MAD1L1: variants seen among roughly 807,000 people sequenced by gnomAD.
MAD1L1 encodes the protein mitotic arrest deficient 1 like 1.
In MAD1L1, 95 loss-of-function variants were observed where a neutral mutation model predicts 96.9. The ratio of observed to expected loss-of-function variants is 0.98; its 90% confidence interval spans 0.83 to 1.16. The LOEUF is 1.16. Among genes scored for constraint, MAD1L1 ranks in the 50% most tolerant of loss-of-function variants. The probability of loss-of-function intolerance (pLI) is 0.00; values close to 1 mark genes in which losing one functional copy is unlikely to be tolerated. For missense variants in MAD1L1, 1,007 were observed against 954.4 expected, an observed-to-expected ratio of 1.06 and a Z score of -0.73; for synonymous variants, 473 against 396.6, an observed-to-expected ratio of 1.19 and a Z score of -2.29.
chr7:2,090,224 C>CAGG (rs35596463), intron 11 of MAD1L1, among the ~76,000 whole-genome samples: 15,394 of 152,170 alleles, frequency 0.1, 1,135 homozygotes, highest in African/African-American at 0.2. Context: ...AAGGGTAGGC[C>CAGG]AGAAGACAAA....
intron 12 of MAD1L1, among the ~76,000 whole-genome samples, chr7:2,052,259 G>T (rs1052759426): frequency 2.6e-5 from 4 of 152,224 alleles, no homozygotes; most frequent in Non-Finnish European, 5.9e-5. Context: ...TATGCCAACA[G>T]GCTTCCCTGG....
chr7:1,895,908 T>C (rs1786837106), intron 18 of MAD1L1, among the ~76,000 whole-genome samples: 1 of 152,184 alleles, frequency 6.6e-6, no homozygotes, highest in East Asian at 1.9e-4. Flanking sequence ...GGCTGGAGGA[T>C]GGGCAGTGAG....
chr7:2,125,906 C>G (rs944597571), intron 11 of MAD1L1, among the ~76,000 whole-genome samples: 2 of 152,288 alleles, frequency 1.3e-5, no homozygotes, highest in Non-Finnish European at 2.9e-5. Flanking sequence ...TGAGCCAGCA[C>G]TGGCATCTGA....
chr7:2,226,393 G>T, intron 3 of MAD1L1, among the ~76,000 whole-genome samples: 1 of 151,802 alleles, frequency 6.6e-6, no homozygotes, highest in Admixed American at 6.6e-5. Flanking sequence ...GAGCCTCTGG[G>T]GGCCCTCTCA....
At chr7:2,224,923 C>G (rs1793804308) in intron 4 of MAD1L1, among the ~76,000 whole-genome samples, 1 of 152,184 alleles carries the variant, frequency 6.6e-6, no homozygotes, top group South Asian at 2.1e-4. Context: ...TGATCCACCC[C>G]ATGACCTCCT....
At chr7:2,108,922 A>C (rs1046588929) in intron 11 of MAD1L1, among the ~76,000 whole-genome samples, 2 of 152,252 alleles carry the variant, frequency 1.3e-5, no homozygotes, top group Non-Finnish European at 2.9e-5. Context: ...CTCCTGGGGA[A>C]GTGCAGGGCC....
chr7:1,940,592 C>T (rs1222896143), intron 16 of MAD1L1: 1 of 152,222 alleles, frequency 6.6e-6, no homozygotes, highest in Non-Finnish European at 1.5e-5. Flanking sequence ...GGGCCGCCTC[C>T]TGCGGAGAGC....
chr7:1,944,982 C>T (rs1159014604), intron 16 of MAD1L1, among the ~76,000 whole-genome samples: 4 of 152,190 alleles, frequency 2.6e-5, no homozygotes, highest in Non-Finnish European at 5.9e-5. Flanking sequence ...CCAAGGGAGC[C>T]GGAAGCAGAG....
chr7:2,075,457 AG>A (rs1472290289), intron 11 of MAD1L1, among the ~76,000 whole-genome samples: 1 of 152,196 alleles, frequency 6.6e-6, no homozygotes, highest in Non-Finnish European at 1.5e-5. Flanking sequence ...TCTGAGGTAC[AG>A]AAGAGAAAAC....
At chr7:2,216,429 G>T (rs1243958454) in intron 7 of MAD1L1, 142 bp from the exon 8 acceptor site, 2 of 811,114 alleles carry the variant, frequency 2.5e-6, no homozygotes, top group African/African-American at 1.7e-5. Flanking sequence ...GACGTTCTGG[G>T]AAAGGAAGGG....
intron 7 of MAD1L1, among the ~76,000 whole-genome samples, chr7:2,216,637 C>T (rs990149507): frequency 1.3e-5 from 2 of 152,172 alleles, no homozygotes; most frequent in African/African-American, 4.8e-5. Flanking sequence ...TGTGTCCAGG[C>T]AGGTTCATCA....
At chr7:1,854,564 T>C (rs1272797380) in intron 18 of MAD1L1, among the ~76,000 whole-genome samples, 1 of 151,876 alleles carries the variant, frequency 6.6e-6, no homozygotes, top group African/African-American at 2.4e-5. Flanking sequence ...AGGATGTTAA[T>C]CCCATTCACG....
chr7:2,164,064 TA>T (rs1331716440), intron 10 of MAD1L1, among the ~76,000 whole-genome samples: 5 of 152,156 alleles, frequency 3.3e-5, no homozygotes, highest in Non-Finnish European at 7.3e-5. Context: ...TGGGAACAGT[TA>T]CAGTCCAGCA....
At chr7:2,006,160 A>C (rs1484717346) in intron 13 of MAD1L1, among the ~76,000 whole-genome samples, 1 of 152,122 alleles carries the variant, frequency 6.6e-6, no homozygotes, top group African/African-American at 2.4e-5. Flanking sequence ...TGCTCCTAAG[A>C]ACAGAGCCAT....
At chr7:2,191,189 C>T (rs1418061372) in intron 10 of MAD1L1, among the ~76,000 whole-genome samples, 6 of 152,286 alleles carry the variant, frequency 3.9e-5, no homozygotes, top group East Asian at 3.9e-4. Context: ...CGTATGATTC[C>T]ATTCCCACAT....
At chr7:1,874,484 T>A (rs1049929618) in intron 18 of MAD1L1, 2 of 453,944 alleles carry the variant, frequency 4.4e-6, no homozygotes, top group Admixed American at 4.7e-5. Flanking sequence ...GGCGGAGGGC[T>A]GACCTTTTGA....
chr7:2,219,318 C>T lies in MAD1L1; in HGVS notation c.596+14G>A. The T allele has an allele frequency of 6.4e-7, 1 of 1,552,616 alleles. No individual in the cohort carries two copies. The highest frequency in any genetic ancestry group is 8.7e-7 in the Non-Finnish European group (1 of 1,149,974). ...GTGACCCGACCCCCGACCCCACACC[C>T]TGGCCCCGCCCACTTGTGTTGCAGG... On this transcript the variant is annotated intron_variant, in intron 6 of 18. Transcript: ENST00000265854.
At chr7:1,845,578 T>G (rs1173559920) in intron 18 of MAD1L1, 2 of 115,782 alleles carry the variant, frequency 1.7e-5, no homozygotes, top group African/African-American at 3.4e-5. Context: ...GAGCGCTGTT[T>G]AGGAGACGGA....
intron 18 of MAD1L1, among the ~76,000 whole-genome samples, chr7:1,820,523 T>C (rs956675330): frequency 2.0e-5 from 3 of 152,096 alleles, no homozygotes; most frequent in African/African-American, 7.2e-5. Context: ...TCTTTGCACT[T>C]TGGGAGGCCA....
Sources: gnomAD v4.1 joint callset for allele counts (sites outside exome capture counted in the v4.1 genomes callset) on GRCh38, gnomAD v4.1.1 for gene constraint, MANE v1.5 for transcripts, NCBI Gene and HGNC (gene_info 2026-07-23, HGNC 2026-07-21) for gene names.